PAX8: variants seen among roughly 807,000 people sequenced by gnomAD.
PAX8 encodes paired box 8, also known as paired box protein Pax-8.
A neutral mutation model predicts 52.4 loss-of-function variants in PAX8; 15 were observed. That is an observed-to-expected ratio of 0.29 (90% CI 0.19 to 0.44). The LOEUF (loss-of-function observed/expected upper bound fraction) is 0.44, where lower values mean the gene tolerates loss of function less well. Among genes scored for constraint, PAX8 ranks in the 20% least tolerant of loss-of-function variants. The probability of loss-of-function intolerance (pLI) is 1.00; values close to 1 mark genes in which losing one functional copy is unlikely to be tolerated. For synonymous variants in PAX8, 284 were observed against 249.7 expected, an observed-to-expected ratio of 1.14 and a Z score of -1.29; for missense variants, 554 against 602.5, an observed-to-expected ratio of 0.92 and a Z score of 0.84.
At chr2:113,236,879 G>T (rs931858044) in intron 7 of PAX8, 158 bp from the exon 8 acceptor site, 3 of 845,128 alleles carry the variant, frequency 3.5e-6, no homozygotes, top group East Asian at 2.8e-5. Context: ...CACTCGGCAC[G>T]TTTCGTTCAT....
intron 2 of PAX8, among the ~76,000 whole-genome samples, chr2:113,277,975 AG>A (rs1693944777): frequency 6.6e-6 from 1 of 152,172 alleles, no homozygotes; most frequent in Non-Finnish European, 1.5e-5. Flanking sequence ...CACCCGAGGA[AG>A]AGGACTTAGA....
chr2:113,260,005 C>T (rs1692551868), intron 2 of PAX8, among the ~76,000 whole-genome samples: 1 of 152,180 alleles, frequency 6.6e-6, no homozygotes, highest in South Asian at 2.1e-4. Flanking sequence ...TCAACTCCCC[C>T]TGAGGTCAGA....
intron 2 of PAX8, chr2:113,276,142 T>C (rs1255926123): frequency 2.6e-5 from 4 of 152,180 alleles, no homozygotes; most frequent in African/African-American, 7.2e-5. Flanking sequence ...ACCCGAGAGA[T>C]AATGGGCTTG....
intron 9 of PAX8, among the ~76,000 whole-genome samples, chr2:113,232,123 C>G (rs1408744830): frequency 6.6e-6 from 1 of 152,218 alleles, no homozygotes; most frequent in East Asian, 1.9e-4. Flanking sequence ...CCACCGCCCC[C>G]CGTCATGTCC....
At chr2:113,221,307 C>G (rs1325785599) in intron 10 of PAX8, among the ~76,000 whole-genome samples, 1 of 152,182 alleles carries the variant, frequency 6.6e-6, no homozygotes, top group Non-Finnish European at 1.5e-5. Context: ...AATGTCCACC[C>G]AGCCTTTCAG....
chr2:113,235,506 A>G lies in PAX8; in HGVS notation c.975T>C (p.Ser325=). 1 of 1,613,952 alleles carries G rather than the reference A, an allele frequency of 6.2e-7. No homozygotes were observed. The highest frequency in any genetic ancestry group is 1.1e-5 in the South Asian group (1 of 91,080). The change falls in exon 9 of 12, where the codon TCT becomes TCC. Residue 325 remains serine (S), a synonymous_variant. Transcript: ENST00000429538. ...GCTGCAGATCCAAAAAGGCGGAGCT[A>G]GATAAAGAGGAAGGGGTGGAGCTAG... ...SSSSSTPSSL[S]SSAFLDLQQV... is the part of the protein sequence containing the mutation.
chr2:113,250,019 G>A (rs922273587), intron 2 of PAX8, among the ~76,000 whole-genome samples: 1 of 151,998 alleles, frequency 6.6e-6, no homozygotes, highest in Non-Finnish European at 1.5e-5. Context: ...TGTAATCCCA[G>A]CACTTTGGGA....
chr2:113,222,250 GCCCTCTCA>G (rs1282603688), intron 10 of PAX8, among the ~76,000 whole-genome samples: 1 of 152,168 alleles, frequency 6.6e-6, no homozygotes, highest in Non-Finnish European at 1.5e-5. Context: ...CACAGCAAGG[GCCCTCTCA>G]CCTTTTACCA....
chr2:113,256,914 C>T (rs977312620), intron 2 of PAX8, among the ~76,000 whole-genome samples: 8 of 152,060 alleles, frequency 5.3e-5, no homozygotes, highest in African/African-American at 1.7e-4. Context: ...TGACACAGGA[C>T]CTGGGCTTCA....
At chr2:113,252,198 G>C (rs1235715895) in intron 2 of PAX8, among the ~76,000 whole-genome samples, 1 of 152,236 alleles carries the variant, frequency 6.6e-6, no homozygotes, top group Non-Finnish European at 1.5e-5. Flanking sequence ...TGATAGCTGA[G>C]CCTTGGCAGG....
At chr2:113,232,249 T>C (rs934092753) in intron 9 of PAX8, among the ~76,000 whole-genome samples, 3 of 152,248 alleles carry the variant, frequency 2.0e-5, no homozygotes, top group Non-Finnish European at 2.9e-5. Context: ...GAGCTCAGCA[T>C]GGACACCAGC....
At chr2:113,243,896 T>A (rs925469256) in intron 4 of PAX8, among the ~76,000 whole-genome samples, 1 of 152,240 alleles carries the variant, frequency 6.6e-6, no homozygotes, top group African/African-American at 2.4e-5. Flanking sequence ...ATATTTTTTG[T>A]AGGTAGTTGA....
At chr2:113,237,119 A>G (rs1558704869) in intron 7 of PAX8, 1 of 172,394 alleles carries the variant, frequency 5.8e-6, no homozygotes, top group African/African-American at 2.4e-5. Flanking sequence ...ATTCTTCCCC[A>G]GATAGGAAAC....
At chr2:113,248,130 T>C (rs1691473852) in intron 2 of PAX8, among the ~76,000 whole-genome samples, 1 of 152,212 alleles carries the variant, frequency 6.6e-6, no homozygotes, top group African/African-American at 2.4e-5. Flanking sequence ...CATATTCAAC[T>C]CTATAGTACC....
intron 2 of PAX8, chr2:113,276,450 A>T (rs1693819012): frequency 6.6e-6 from 1 of 152,166 alleles, no homozygotes; most frequent in Non-Finnish European, 1.5e-5. Flanking sequence ...AAAGGGGAAA[A>T]AAATTACCTG....
chr2:113,263,740 ATGAGGGACTCCACAT>A (rs2104574369), intron 2 of PAX8, among the ~76,000 whole-genome samples: 1 of 152,288 alleles, frequency 6.6e-6, no homozygotes, highest in East Asian at 1.9e-4. Context: ...GCAGGCAGGC[ATGAGGGACTCCACAT>A]GGGAAAGACT....
At chr2:113,243,378 G>A (rs1295212335) in intron 4 of PAX8, among the ~76,000 whole-genome samples, 3 of 129,192 alleles carry the variant, frequency 2.3e-5, no homozygotes, top group Non-Finnish European at 4.8e-5. Flanking sequence ...TTTATCTACT[G>A]GTTTTCTTTT....
chr2:113,246,977 G>T, intron 2 of PAX8, 58 bp from the exon 3 acceptor site: 1 of 1,477,216 alleles, frequency 6.8e-7, no homozygotes. Flanking sequence ...TTTGGGTGGG[G>T]ATTAGCTATG....
intron 2 of PAX8, among the ~76,000 whole-genome samples, chr2:113,276,969 A>G (rs183180602): frequency 1.3e-5 from 2 of 152,344 alleles, no homozygotes. Context: ...GTTTGGCTAA[A>G]GATTAAGGGA....
Sources: allele counts gnomAD v4.1 joint callset (sites outside exome capture counted in the v4.1 genomes callset), GRCh38; gene constraint gnomAD v4.1.1; transcripts MANE v1.5; gene names NCBI Gene and HGNC (gene_info 2026-07-23, HGNC 2026-07-21).